The following COL23A1 variants were observed in gnomAD, a reference collection of about 807,000 sequenced individuals.
COL23A1 encodes collagen type XXIII alpha 1 chain, also known as collagen alpha-1(XXIII) chain.
A neutral mutation model predicts 99.3 loss-of-function variants in COL23A1; 97 were observed. The ratio of observed to expected loss-of-function variants is 0.98; its 90% CI spans 0.83 to 1.16. The LOEUF (loss-of-function observed/expected upper bound fraction) is 1.16, where lower values mean the gene tolerates loss of function less well. Ranked by LOEUF, COL23A1 falls within the 50% of genes most tolerant of loss-of-function variation. The pLI, the probability that COL23A1 is intolerant of heterozygous loss-of-function variation, is 0.00. For missense variants in COL23A1, 762 were observed against 757.4 expected (o/e 1.01, Z -0.07); for synonymous variants, 320 against 308.2 (o/e 1.04, Z -0.40).
chr5:178,454,940 T>G (rs1359791768), intron 2 of COL23A1, among the ~76,000 whole-genome samples: 1 of 152,232 alleles, frequency 6.6e-6, no homozygotes, highest in Non-Finnish European at 1.5e-5. Context: ...TGGCTAGGAC[T>G]GCTCCATCCC....
rs75492078 is a variant in COL23A1 at position 178,255,184 on chromosome 5, G to T, written c.883-158C>A. Among the ~76,000 whole-genome samples the T allele has an allele frequency of 6.6e-6, 1 of 151,928 alleles. No homozygotes were observed. Among genetic ancestry groups the T allele is most frequent in the Non-Finnish European group, 1.5e-5 (1 of 67,952 alleles). ...CCTCCCCAGGGTGGATGGAGGGAAC[G>T]GGAGGCAGGCCCTGTGGCCAGCTGA... On this transcript the variant is annotated intron_variant, in intron 15 of 28. Transcript: ENST00000390654. The surrounding 1 kb of genome is among the most constrained non-coding windows in gnomAD (Gnocchi z 4.2).
At chr5:178,344,261 T>G (rs1760836605) in intron 2 of COL23A1, among the ~76,000 whole-genome samples, 1 of 152,222 alleles carries the variant, frequency 6.6e-6, no homozygotes, top group African/African-American at 2.4e-5. Context: ...GTCTCTAGAT[T>G]CTGATACCTA....
At chr5:178,361,299 G>C (rs533989987) in intron 2 of COL23A1, among the ~76,000 whole-genome samples, 1 of 152,164 alleles carries the variant, frequency 6.6e-6, no homozygotes, top group African/African-American at 2.4e-5. Flanking sequence ...AAACTGAGAC[G>C]ATCTCTTGAG....
intron 2 of COL23A1, among the ~76,000 whole-genome samples, chr5:178,451,585 AG>A (rs1383266292): frequency 1.4e-5 from 2 of 142,938 alleles, no homozygotes; most frequent in Admixed American, 7.5e-5. Context: ...TGAACCCGGG[AG>A]GCAGAGGTTG....
chr5:178,485,571 G>C (rs986584199), intron 2 of COL23A1, among the ~76,000 whole-genome samples: 1 of 151,950 alleles, frequency 6.6e-6, no homozygotes, highest in Non-Finnish European at 1.5e-5. Flanking sequence ...TCAGGAGTTC[G>C]AGACCAGCCT....
chr5:178,440,087 T>C (rs1766779494), intron 2 of COL23A1: 1 of 152,166 alleles, frequency 6.6e-6, no homozygotes, highest in Non-Finnish European at 1.5e-5. Context: ...AACTGGATGG[T>C]GGTTGGACAA....
chr5:178,254,279 ACCACG>A (rs1554126012), intron 16 of COL23A1, among the ~76,000 whole-genome samples: 1 of 126,262 alleles, frequency 7.9e-6, no homozygotes, highest in African/African-American at 2.5e-5. Flanking sequence ...GCCACGCCAC[ACCACG>A]CCACGCCACG....
intron 2 of COL23A1, among the ~76,000 whole-genome samples, chr5:178,487,522 C>G (rs770637498): frequency 1.3e-5 from 2 of 152,096 alleles, no homozygotes; most frequent in East Asian, 3.9e-4. Context: ...TTTAAAGGAA[C>G]TTAAAATGGT....
rs898430968 is a variant in COL23A1 at position 178,468,641 on chromosome 5, C to T, written c.361+92041G>A. Among the ~76,000 whole-genome samples the T allele has an allele frequency of 1.3e-5, 2 of 152,102 alleles. No homozygotes were observed. Among genetic ancestry groups the T allele is most frequent in the African/African-American group, 2.4e-5 (1 of 41,426 alleles). On this transcript the variant is annotated intron_variant, in intron 2 of 28. Transcript: ENST00000390654. This position sits in a 1 kb window ranked among gnomAD's most constrained non-coding sequence, Gnocchi z 4.2. Reference sequence around the variant, plus strand: ...CCCCAGGCAGCCTGGAGGGAAGGGCCGGGTCCGAGGTCACGGAGCCTGCAG... The same window carrying T: ...CCCCAGGCAGCCTGGAGGGAAGGGCTGGGTCCGAGGTCACGGAGCCTGCAG...
At chr5:178,507,356 T>G (rs1007803544) in intron 2 of COL23A1, among the ~76,000 whole-genome samples, 3 of 152,302 alleles carry the variant, frequency 2.0e-5, no homozygotes, top group Non-Finnish European at 4.4e-5. Context: ...CAAAGAGTGC[T>G]GCAAGGTACA....
chr5:178,249,639 G>A (rs541836776), intron 18 of COL23A1, among the ~76,000 whole-genome samples: 1 of 150,134 alleles, frequency 6.7e-6, no homozygotes, highest in East Asian at 2.0e-4. Flanking sequence ...ACTCACCCTC[G>A]AATAGCAAGT....
At chr5:178,342,617 C>G (rs1045354532) in intron 2 of COL23A1, among the ~76,000 whole-genome samples, 1 of 152,224 alleles carries the variant, frequency 6.6e-6, no homozygotes, top group Non-Finnish European at 1.5e-5. Flanking sequence ...AGCAGTGGCT[C>G]TGTGTGTAAA....
intron 2 of COL23A1, among the ~76,000 whole-genome samples, chr5:178,531,420 C>T (rs1760643010): frequency 6.6e-6 from 1 of 152,162 alleles, no homozygotes; most frequent in African/African-American, 2.4e-5. Flanking sequence ...ATTCCAAACC[C>T]CCTGTGGCCT....
intron 2 of COL23A1, among the ~76,000 whole-genome samples, chr5:178,410,421 T>C (rs1351854522): frequency 6.6e-6 from 1 of 152,138 alleles, no homozygotes; most frequent in Non-Finnish European, 1.5e-5. Flanking sequence ...CAAAATAATC[T>C]TGAAAAAGAA....
rs1218901332 is a variant in COL23A1 at position 178,544,566 on chromosome 5, G to A, written c.361+16116C>T. On this transcript the variant is annotated intron_variant, in intron 2 of 28. Coordinates refer to ENST00000390654, the MANE Select transcript of COL23A1 (RefSeq NM_173465.4). This position sits in a 1 kb window ranked among gnomAD's most constrained non-coding sequence, Gnocchi z 4.4. ...TGAGGCCCAGAGGTACAGCTAGGAAGCATGTCCCTCCTGGGTACAGCTGAC... is the reference window on the plus strand; with the variant it reads ...TGAGGCCCAGAGGTACAGCTAGGAAACATGTCCCTCCTGGGTACAGCTGAC... Among the ~76,000 whole-genome samples, 3 of 152,238 alleles carry A rather than the reference G, an allele frequency of 2.0e-5. No homozygotes were observed. Among genetic ancestry groups the A allele is most frequent in the Non-Finnish European group, 4.4e-5 (3 of 68,042 alleles).
rs149908189 is a variant in COL23A1, at chr5:178,244,987, T to TCATC, written c.1440+951_1440+954dup. On this transcript the variant is annotated intron_variant, in intron 25 of 28. Coordinates refer to ENST00000390654, the MANE Select transcript of COL23A1 (RefSeq NM_173465.4). ...CATCCATCCATCCACTCATCATCTA[T>TCATC]CATCCATCCATCCATCCATCCCTCC... Among the ~76,000 whole-genome samples, 3 of 134,416 alleles carry TCATC rather than the reference T, an allele frequency of 2.2e-5. 1 individual carries two copies. The highest frequency in any genetic ancestry group is 5.0e-5 in the Non-Finnish European group (3 of 60,058). The allele number at this position is 134,416 out of a possible 152,430, so 88.2% of individuals were successfully genotyped here.
chr5:178,348,118 G>A (rs1449267250), intron 2 of COL23A1, among the ~76,000 whole-genome samples: 3 of 151,012 alleles, frequency 2.0e-5, no homozygotes, highest in South Asian at 2.1e-4. Flanking sequence ...CCTCACCCCC[G>A]CCCCTGTTCC....
rs1278222677 is a variant in COL23A1 at position 178,313,860 on chromosome 5, G to A, written c.362-6941C>T. Among the ~76,000 whole-genome samples, 1 of 152,136 alleles carries A rather than the reference G, an allele frequency of 6.6e-6. No homozygotes were observed. The highest frequency in any genetic ancestry group is 6.5e-5 in the Admixed American group (1 of 15,278). On this transcript the variant is annotated intron_variant, in intron 2 of 28. Transcript: ENST00000390654. The surrounding 1 kb of genome is among the most constrained non-coding windows in gnomAD (Gnocchi z 4.2). ...CACCTTGAGCAGAGAAGGCAAGCGA[G>A]GTCCCTGGAAAAGAGCTTCCGAGAC...
At chr5:178,241,449 A>G (rs548493292) in intron 27 of COL23A1, among the ~76,000 whole-genome samples, 1 of 152,174 alleles carries the variant, frequency 6.6e-6, no homozygotes, top group African/African-American at 2.4e-5. Context: ...CCAGCCAGAG[A>G]GGTCAGGGTG....
Sources: gnomAD v4.1 joint callset for allele counts (sites outside exome capture counted in the v4.1 genomes callset) on GRCh38, gnomAD v4.1.1 for gene constraint, Gnocchi (gnomAD v3.1) non-coding constraint, MANE v1.5 for transcripts, NCBI Gene and HGNC (gene_info 2026-07-23, HGNC 2026-07-21) for gene names.